The following JAKMIP1 variants were observed in gnomAD, a reference collection of about 807,000 sequenced individuals.
The protein encoded by JAKMIP1 is janus kinase and microtubule-interacting protein 1.
JAKMIP1 carries 33 observed loss-of-function variants against 113.0 expected under a neutral mutation model. The ratio of observed to expected loss-of-function variants is 0.29; its 90% CI spans 0.22 to 0.39. JAKMIP1 has a LOEUF of 0.39. JAKMIP1 is among the 10% of genes least tolerant of loss of function. JAKMIP1 has a pLI of 1.00. For missense variants in JAKMIP1, 813 were observed against 1,080.5 expected (o/e 0.75, Z 3.47); for synonymous variants, 480 against 459.9 (o/e 1.04, Z -0.56).
In JAKMIP1 at chr4:6,049,933, C is replaced by A; in HGVS notation, c.1909-61G>T. On this transcript the variant is annotated intron_variant, in intron 14 of 20. Coordinates refer to ENST00000409021, the MANE Select transcript of JAKMIP1 (RefSeq NM_001099433.2). The surrounding 1 kb of genome is among the most constrained non-coding windows in gnomAD (Gnocchi z 7.0). ...CTACAGAGACCAACCATACCAATTT[C>A]TAGGGCCACGGCCTTTCCTCTGGAC... is the stretch of plus-strand genomic sequence containing the variant. 1 of 1,218,556 alleles carries A rather than the reference C, an allele frequency of 8.2e-7. No individual in the cohort carries two copies. The highest frequency in any genetic ancestry group is 1.2e-6 in the Non-Finnish European group (1 of 826,660). 75.5% of individuals were successfully genotyped at this position (1,218,556 alleles called of 1,614,324 possible).
chr4:6,120,388 C>T (rs1462884945), intron 1 of JAKMIP1, among the ~76,000 whole-genome samples: 1 of 152,204 alleles, frequency 6.6e-6, no homozygotes, highest in East Asian at 1.9e-4. Context: ...AAGGAAAGAG[C>T]AATCTGCCTA....
rs1028227112 is a variant in JAKMIP1, at chr4:6,186,729, G to A, written c.-148+13524C>T. Among the ~76,000 whole-genome samples, 1 of 152,146 alleles carries A rather than the reference G, an allele frequency of 6.6e-6. No individual in the cohort carries two copies. Among genetic ancestry groups the A allele is most frequent in the African/African-American group, 2.4e-5 (1 of 41,422 alleles). ...TGTTCAAGTTCCCTGCTTCCTTGTT[G>A]ACCTCCTGTAGAGTTGTTCTATCTG... On this transcript the variant is annotated intron_variant, in intron 1 of 20. Transcript: ENST00000409021. The surrounding 1 kb of genome is among the most constrained non-coding windows in gnomAD (Gnocchi z 5.5).
intron 3 of JAKMIP1, among the ~76,000 whole-genome samples, chr4:6,102,191 T>C (rs1304260824): frequency 1.3e-5 from 2 of 152,210 alleles, no homozygotes; most frequent in Non-Finnish European, 2.9e-5. Flanking sequence ...TGTTCACTGC[T>C]GATATATTGA....
At chr4:6,191,913 T>TTTTATTTATTCATTTATTTA (rs1553866636) in intron 1 of JAKMIP1, among the ~76,000 whole-genome samples, 1 of 141,054 alleles carries the variant, frequency 7.1e-6, no homozygotes, top group African/African-American at 2.6e-5. Context: ...CAGGAGTGCA[T>TTTTATTTATTCATTTATTTA]TTTATTTATT....
In JAKMIP1 at chr4:6,132,925, A is replaced by G. The variant is rs377391374; in HGVS notation, c.-147-19928T>C. On this transcript the variant is annotated intron_variant, in intron 1 of 20. Coordinates refer to ENST00000409021, the MANE Select transcript of JAKMIP1 (RefSeq NM_001099433.2). ...AGCCAGCCAACTTCTACACATTCAT[A>G]GTCAATTAAGGGAAATGCAAGCAGC... Among the ~76,000 whole-genome samples, 53 of 152,286 alleles carry G rather than the reference A, an allele frequency of 3.5e-4. No individual in the cohort carries two copies. The East Asian group carries it at 4.8e-3, about 14-fold the overall frequency.
chr4:6,120,434 G>T (rs1479900213), intron 1 of JAKMIP1, among the ~76,000 whole-genome samples: 1 of 152,156 alleles, frequency 6.6e-6, no homozygotes, highest in Admixed American at 6.5e-5. Context: ...AATTGTTGAT[G>T]GCAGTGGAAA....
intron 1 of JAKMIP1, among the ~76,000 whole-genome samples, chr4:6,172,687 G>C (rs1724879133): frequency 6.6e-6 from 1 of 152,206 alleles, no homozygotes; most frequent in South Asian, 2.1e-4. Flanking sequence ...AGGGCCCTAG[G>C]ACTCTGTTCC....
At chr4:6,101,723 C>A (rs1713057421) in intron 3 of JAKMIP1, among the ~76,000 whole-genome samples, 1 of 88,228 alleles carries the variant, frequency 1.1e-5, no homozygotes, top group Non-Finnish European at 2.1e-5. Context: ...CCCATCTCTA[C>A]TAAAAATACA....
rs935062579 is a variant in JAKMIP1, at chr4:6,199,009, G to A, written c.-148+1244C>T. 1.3e-5 allele frequency among the ~76,000 whole-genome samples: 2 copies of A among 152,372 alleles called. No homozygotes were observed. The highest frequency in any genetic ancestry group is 3.4e-3 in the Middle Eastern group (1 of 294). On this transcript the variant is annotated intron_variant, in intron 1 of 20. Coordinates refer to ENST00000409021, the MANE Select transcript of JAKMIP1 (RefSeq NM_001099433.2). This position sits in a 1 kb window ranked among gnomAD's most constrained non-coding sequence, Gnocchi z 5.6. The stretch of plus-strand genomic sequence containing the variant: ...CTCCTCCTCTGCTCTGGAAGGCAGA[G>A]GCCATCAGATGGTAACAGCATCCTG...
At chr4:6,037,617 G>A (rs56307300) in intron 18 of JAKMIP1, among the ~76,000 whole-genome samples, 2,107 of 115,912 alleles carry the variant, frequency 0.018, 17 homozygotes, top group African/African-American at 0.031. Context: ...GAGGCTAACC[G>A]GTATCCCTCC....
rs531586615 is a variant in JAKMIP1 at position 6,050,094 on chromosome 4, G to T, written c.1909-222C>A. ...CAGCACAAACACTGCTTTCTAGAAA[G>T]GCCATGGAAGCGGGTGAGTCAGGAC... On this transcript the variant is annotated intron_variant, in intron 14 of 20. Coordinates refer to ENST00000409021, the MANE Select transcript of JAKMIP1 (RefSeq NM_001099433.2). This position sits in a 1 kb window ranked among gnomAD's most constrained non-coding sequence, Gnocchi z 7.4. Among the ~76,000 whole-genome samples the T allele has an allele frequency of 5.0e-4, 76 of 152,324 alleles. No individual in the cohort carries two copies. Among genetic ancestry groups the T allele is most frequent in the South Asian group, 4.8e-3 (23 of 4,824 alleles).
In JAKMIP1 at chr4:6,157,189, A is replaced by G. The variant is rs1047651282; in HGVS notation, c.-148+43064T>C. Among the ~76,000 whole-genome samples, 4 of 152,202 alleles carry G rather than the reference A, an allele frequency of 2.6e-5. No homozygotes were observed. The highest frequency in any genetic ancestry group is 9.7e-5 in the African/African-American group (4 of 41,442). On this transcript the variant is annotated intron_variant, in intron 1 of 20. Coordinates refer to ENST00000409021, the MANE Select transcript of JAKMIP1 (RefSeq NM_001099433.2). This position sits in a 1 kb window ranked among gnomAD's most constrained non-coding sequence, Gnocchi z 4.7. ...CTTGCCAGATGCAGGTCCCTCCACC[A>G]TGGACTTCCCAGCCTCCAGAACTGT...
chr4:6,165,986 T>A (rs1240951818), intron 1 of JAKMIP1, among the ~76,000 whole-genome samples: 1 of 152,102 alleles, frequency 6.6e-6, no homozygotes, highest in Non-Finnish European at 1.5e-5. Context: ...ATTTCTGGGT[T>A]CGCGGACGCA....
intron 18 of JAKMIP1, among the ~76,000 whole-genome samples, chr4:6,036,499 T>A (rs1713459686): frequency 6.6e-6 from 1 of 152,198 alleles, no homozygotes; most frequent in African/African-American, 2.4e-5. Flanking sequence ...TTCTAATGGG[T>A]GCCAATGGGG....
chr4:6,067,610 C>CT lies in JAKMIP1; in HGVS notation c.1303-2603_1303-2602insA, dbSNP rs755373316. On this transcript the variant is annotated intron_variant, in intron 8 of 20. Transcript: ENST00000409021. This position sits in a 1 kb window ranked among gnomAD's most constrained non-coding sequence, Gnocchi z 4.6. ...AAGCTCTTCTGCACACACAGGTCAC[C>CT]CCCCTGAGCTCCAGGTTCACTCAAG... 1.5e-4 allele frequency among the ~76,000 whole-genome samples: 22 copies of CT among 145,432 alleles called. No individual in the cohort carries two copies. Among genetic ancestry groups the CT allele is most frequent in the Non-Finnish European group, 3.2e-4 (21 of 65,940 alleles).
Position 6,080,148 on chromosome 4 carries a change from C to T in JAKMIP1, c.1242+24G>A. ...CTGGTGCCACCCCTGCCAGGGGCAG[C>T]CGCGCCAGCTGTGCTAGATGTACCA... On this transcript the variant is annotated intron_variant, in intron 7 of 20. Transcript: ENST00000409021. This position sits in a 1 kb window ranked among gnomAD's most constrained non-coding sequence, Gnocchi z 6.0. 1 of 1,564,692 alleles carries T rather than the reference C, an allele frequency of 6.4e-7. No homozygotes were observed. Among genetic ancestry groups the T allele is most frequent in the Non-Finnish European group, 8.7e-7 (1 of 1,154,192 alleles).
In JAKMIP1 at chr4:6,044,681, G is replaced by A. The variant is rs1714761658; in HGVS notation, c.2029-2454C>T. Among the ~76,000 whole-genome samples the A allele has an allele frequency of 6.6e-6, 1 of 152,072 alleles. No individual in the cohort carries two copies. Among genetic ancestry groups the A allele is most frequent in the South Asian group, 2.1e-4 (1 of 4,824 alleles). ...GATTACAACATGCTGCTCTCAGAAC[G>A]GTTTCTGCAGAACACAGTGTTGAGA... On this transcript the variant is annotated intron_variant, in intron 16 of 20. Transcript: ENST00000409021. This position sits in a 1 kb window ranked among gnomAD's most constrained non-coding sequence, Gnocchi z 4.4.
In JAKMIP1 at chr4:6,193,025, G is replaced by T. The variant is rs749236726; in HGVS notation, c.-148+7228C>A. Among the ~76,000 whole-genome samples, 12 of 152,198 alleles carry T rather than the reference G, an allele frequency of 7.9e-5. No homozygotes were observed. The highest frequency in any genetic ancestry group is 2.9e-5 in the Non-Finnish European group (2 of 68,040). ...ACTGGGAGAGGCAGACCCACCCTCA[G>T]TGTGGGTGGGCACCATCTAATCGGC... On this transcript the variant is annotated intron_variant, in intron 1 of 20. Coordinates refer to ENST00000409021, the MANE Select transcript of JAKMIP1 (RefSeq NM_001099433.2). The surrounding 1 kb of genome is among the most constrained non-coding windows in gnomAD (Gnocchi z 6.4).
Position 6,042,219 on chromosome 4 carries a change from C to T in JAKMIP1, c.2037G>A (p.Lys679=). Reference sequence around the variant, plus strand: ...GGGCGGCCTCGGTCCCCTCTATTTGCTTCAGCCACTAGAAAACAGCAGGGA... The same window carrying T: ...GGGCGGCCTCGGTCCCCTCTATTTGTTTCAGCCACTAGAAAACAGCAGGGA... ...TVLALCEKWL[K]QIEGTEAALT... The change falls in exon 17 of 21, where the codon AAG becomes AAA. Residue 679 remains lysine (K), a synonymous_variant. Transcript: ENST00000409021. This position sits in a 1 kb window ranked among gnomAD's most constrained non-coding sequence, Gnocchi z 5.2. The T allele has an allele frequency of 6.2e-7, 1 of 1,613,762 alleles. No homozygotes were observed. Among genetic ancestry groups the T allele is most frequent in the Non-Finnish European group, 8.5e-7 (1 of 1,179,764 alleles).
Sources: gnomAD v4.1 joint callset for allele counts (sites outside exome capture counted in the v4.1 genomes callset) on GRCh38, gnomAD v4.1.1 for gene constraint, Gnocchi (gnomAD v3.1) non-coding constraint, MANE v1.5 for transcripts, NCBI Gene and HGNC (gene_info 2026-07-23, HGNC 2026-07-21) for gene names.